NLK: variants seen among roughly 807,000 people sequenced by gnomAD.
The protein encoded by NLK is nemo like kinase, also known as serine/threonine-protein kinase NLK.
A neutral mutation model predicts 59.0 loss-of-function variants in NLK; 11 were observed. The observed-to-expected ratio is 0.19, with a 90% confidence interval of 0.12 to 0.31. The LOEUF (loss-of-function observed/expected upper bound fraction) is 0.31. NLK is among the 10% of genes least tolerant of loss of function. The pLI, the probability that NLK is intolerant of heterozygous loss-of-function variation, is 1.00. For synonymous variants in NLK, 235 were observed against 235.9 expected (o/e 1.00, Z 0.03); for missense variants, 410 against 661.1 (o/e 0.62, Z 4.16).
intron 7 of NLK, among the ~76,000 whole-genome samples, chr17:28,179,887 T>G (rs1027393129): frequency 1.1e-4 from 16 of 149,524 alleles, no homozygotes; most frequent in Non-Finnish European, 2.1e-4. Context: ...TTTTTTTTTT[T>G]TTTTTTTTTT....
chr17:28,104,152 A>G (rs764263951), intron 1 of NLK, among the ~76,000 whole-genome samples: 36 of 152,130 alleles, frequency 2.4e-4, no homozygotes, highest in Admixed American at 1.8e-3. Flanking sequence ...CTCACTCTCT[A>G]GTTTCTGGTG....
chr17:28,104,551 G>A (rs1237407799), intron 1 of NLK, among the ~76,000 whole-genome samples: 3 of 152,234 alleles, frequency 2.0e-5, no homozygotes, highest in Middle Eastern at 3.4e-3. Context: ...ACTACACCCG[G>A]CCGGGTTTTA....
chr17:28,045,049 C>T (rs1207434297), intron 1 of NLK, among the ~76,000 whole-genome samples: 1 of 152,088 alleles, frequency 6.6e-6, no homozygotes, highest in Non-Finnish European at 1.5e-5. Flanking sequence ...AGTGCTGAAA[C>T]ATCTCACACA....
At chr17:28,161,095 T>G in intron 3 of NLK, 65 bp from the exon 4 acceptor site, 1 of 844,216 alleles carries the variant, frequency 1.2e-6, no homozygotes, top group Admixed American at 1.9e-5. Context: ...TTTTTAGATC[T>G]GGTCACCACT....
chr17:28,119,032 T>C (rs1905904846), intron 1 of NLK, among the ~76,000 whole-genome samples: 2 of 152,218 alleles, frequency 1.3e-5, no homozygotes, highest in Non-Finnish European at 2.9e-5. Context: ...TGAAGAAACT[T>C]GTACTAAATG....
intron 1 of NLK, among the ~76,000 whole-genome samples, chr17:28,078,423 A>G (rs905691548): frequency 2.6e-5 from 4 of 152,124 alleles, no homozygotes; most frequent in African/African-American, 9.7e-5. Context: ...GTTCCTGCCT[A>G]TCTCCCCTGT....
chr17:28,110,045 T>G (rs1905394766), intron 1 of NLK, among the ~76,000 whole-genome samples: 1 of 152,232 alleles, frequency 6.6e-6, no homozygotes. Context: ...AATCCACAAA[T>G]ATGAAGTGTT....
intron 1 of NLK, among the ~76,000 whole-genome samples, chr17:28,073,573 A>C (rs146150942): frequency 2.6e-4 from 39 of 152,142 alleles, no homozygotes; most frequent in African/African-American, 8.2e-4. Context: ...CTTTTATTCT[A>C]TACTCATATC....
intron 1 of NLK, among the ~76,000 whole-genome samples, chr17:28,111,927 GTGTGTGTGTGTGTGTGTGTA>G (rs1456950706): frequency 1.7e-4 from 26 of 149,016 alleles, no homozygotes; most frequent in African/African-American, 5.9e-4. Flanking sequence ...GTGTGTGTGT[GTGTGTGTGTGTGTGTGTGTA>G]TGTGTAGGGA....
intron 2 of NLK, among the ~76,000 whole-genome samples, chr17:28,127,779 C>A (rs1478174257): frequency 6.6e-6 from 1 of 152,004 alleles, no homozygotes; most frequent in Non-Finnish European, 1.5e-5. Context: ...TACAAAATAG[C>A]CCAGACAATC....
chr17:28,132,750 T>C, intron 3 of NLK, 75 bp downstream of exon 3: 1 of 1,209,598 alleles, frequency 8.3e-7, no homozygotes, highest in Non-Finnish European at 1.2e-6. Flanking sequence ...CTTTTGGGGT[T>C]CATGCCTTCA....
chr17:28,132,509 T>C (rs552228334), intron 2 of NLK, 111 bp from the exon 3 acceptor site: 10 of 776,168 alleles, frequency 1.3e-5, no homozygotes, highest in African/African-American at 1.2e-4. Context: ...CAGTGGGCAA[T>C]TGTAACTAAG....
downstream of NLK, among the ~76,000 whole-genome samples, chr17:28,200,620 A>G (rs1405295688): frequency 6.6e-6 from 1 of 152,162 alleles, no homozygotes; most frequent in Non-Finnish European, 1.5e-5. Context: ...AGTAGCTGGG[A>G]CTACAGGCGT....
intron 10 of NLK, 48 bp from the exon 11 acceptor site, chr17:28,194,534 G>T: frequency 7.2e-7 from 1 of 1,396,168 alleles, no homozygotes; most frequent in Non-Finnish European, 1.0e-6. Context: ...TTACCCTTTT[G>T]TCCATTGTGA....
chr17:28,110,426 T>C (rs1228177217), intron 1 of NLK, among the ~76,000 whole-genome samples: 1 of 152,012 alleles, frequency 6.6e-6, no homozygotes, highest in Non-Finnish European at 1.5e-5. Flanking sequence ...CTTGAATTGA[T>C]GTTTGACTAT....
downstream of NLK, among the ~76,000 whole-genome samples, chr17:28,197,505 A>G (rs1030317523): frequency 2.0e-5 from 3 of 151,914 alleles, no homozygotes; most frequent in Non-Finnish European, 4.4e-5. Context: ...ATTCCTTTAC[A>G]GATAAGTATT....
intron 1 of NLK, among the ~76,000 whole-genome samples, chr17:28,076,923 T>C (rs964728837): frequency 3.3e-5 from 5 of 152,166 alleles, no homozygotes; most frequent in African/African-American, 9.7e-5. Context: ...GCTTGTAAGA[T>C]TGACAATTAT....
chr17:28,184,783 A>G (rs1909051426), intron 7 of NLK, among the ~76,000 whole-genome samples: 1 of 152,044 alleles, frequency 6.6e-6, no homozygotes, highest in Non-Finnish European at 1.5e-5. Flanking sequence ...CCCCTTCTCT[A>G]CTAAAAATAC....
rs1315678122 is a variant in NLK at position 28,123,934 on chromosome 17, A to G, written c.588+1202A>G. The stretch of plus-strand genomic sequence containing the variant: ...TTAATTGCCATAATAAAAACTTATC[A>G]GAAAAAAAATTATGATTTCTCATGA... On this transcript the variant is annotated intron_variant, in intron 2 of 10. Transcript: ENST00000407008. Among the ~76,000 whole-genome samples the G allele has an allele frequency of 6.6e-5, 10 of 152,324 alleles. No homozygotes were observed. The East Asian group carries it at 1.7e-3, about 26-fold the overall frequency.
Sources: gnomAD v4.1 joint callset for allele counts (sites outside exome capture counted in the v4.1 genomes callset) on GRCh38, gnomAD v4.1.1 for gene constraint, MANE v1.5 for transcripts, NCBI Gene and HGNC (gene_info 2026-07-23, HGNC 2026-07-21) for gene names.